The following JAK2 variants were observed in gnomAD, a reference collection of about 807,000 sequenced individuals.
JAK2 encodes tyrosine-protein kinase JAK2.
Under a neutral mutation model 139.3 loss-of-function variants are expected in JAK2, and 86 were observed. The observed-to-expected ratio is 0.62, with a 90% CI of 0.52 to 0.74. JAK2 has a LOEUF of 0.74. Ranked by LOEUF, JAK2 falls within the 30% of genes least tolerant of loss-of-function variation. The pLI is 0.00. For synonymous variants in JAK2, 490 were observed against 437.7 expected (o/e 1.12, Z -1.49); for missense variants, 1,421 against 1,360.3 (o/e 1.04, Z -0.70).
intron 19 of JAK2, 101 bp downstream of exon 19, chr9:5,081,962 C>T: frequency 1.0e-6 from 1 of 966,414 alleles, no homozygotes; most frequent in Non-Finnish European, 1.6e-6. Context: ...TTAAGGAGTG[C>T]TTGTAGAAAA....
At chr9:5,119,418 T>C (rs1823448023) in intron 22 of JAK2, among the ~76,000 whole-genome samples, 1 of 151,866 alleles carries the variant, frequency 6.6e-6, no homozygotes, top group East Asian at 1.9e-4. Context: ...TTCTTTGTCA[T>C]AATGAAAGCC....
chr9:5,119,977 A>C (rs1301591374), intron 22 of JAK2, among the ~76,000 whole-genome samples: 1 of 152,190 alleles, frequency 6.6e-6, no homozygotes, highest in Non-Finnish European at 1.5e-5. Context: ...TTGAATAATA[A>C]ACACTGTCTT....
intron 12 of JAK2, 91 bp downstream of exon 12, chr9:5,070,143 T>G: frequency 1.1e-6 from 1 of 872,838 alleles, no homozygotes; most frequent in South Asian, 2.6e-5. Context: ...TTGGAATTAT[T>G]TTGTTATATA....
intron 21 of JAK2, 24 bp downstream of exon 21, chr9:5,090,594 C>T (rs1442629320): frequency 6.5e-7 from 1 of 1,549,780 alleles, no homozygotes; most frequent in African/African-American, 1.4e-5. Flanking sequence ...TGATTATTTG[C>T]TGTAGATGAA....
At chr9:5,077,719 AAG>A (rs766199492) in intron 15 of JAK2, 139 bp downstream of exon 15, 72 of 484,256 alleles carry the variant, frequency 1.5e-4, no homozygotes, top group Non-Finnish European at 2.2e-4. Context: ...AGGTGATAAA[AAG>A]AGATTACTTT....
chr9:5,078,589 T>C, intron 16 of JAK2, 145 bp downstream of exon 16: 2 of 672,102 alleles, frequency 3.0e-6, no homozygotes, highest in Non-Finnish European at 4.9e-6. Context: ...CAATTTAAAT[T>C]GTTAGTTAAA....
intron 22 of JAK2, chr9:5,112,435 CA>C: frequency 7.7e-6 from 4 of 517,934 alleles, no homozygotes; most frequent in Non-Finnish European, 1.4e-5. Flanking sequence ...GCTGACCACT[CA>C]AGAGGAGAAG....
At chr9:5,026,701 G>GTT (rs1427017907) in intron 3 of JAK2, among the ~76,000 whole-genome samples, 1 of 152,102 alleles carries the variant, frequency 6.6e-6, no homozygotes, top group African/African-American at 2.4e-5. Flanking sequence ...TGATTGTTGT[G>GTT]TTTGTGCTTG....
At chr9:5,063,695 G>C (rs1818345692) in intron 8 of JAK2, among the ~76,000 whole-genome samples, 2 of 152,142 alleles carry the variant, frequency 1.3e-5, no homozygotes, top group Admixed American at 6.5e-5. Context: ...TTGCATAAGA[G>C]TGTTTTGAAG....
rs1427045241 is a variant in JAK2 at position 5,013,952 on chromosome 9, G to C, written c.-25-8011G>C. Among the ~76,000 whole-genome samples, 5 of 152,078 alleles carry C rather than the reference G, an allele frequency of 3.3e-5. No individual in the cohort carries two copies. The South Asian group carries it at 6.2e-4, about 19-fold the overall frequency. On this transcript the variant is annotated intron_variant, in intron 2 of 24. Transcript: ENST00000381652. ...AAGAAAGGATGAAACTTATTTTTAG[G>C]TCTCTTGGCTCCCAGGTTAGTAATT...
At chr9:5,014,024 A>G (rs1230536896) in intron 2 of JAK2, among the ~76,000 whole-genome samples, 1 of 152,140 alleles carries the variant, frequency 6.6e-6, no homozygotes, top group Non-Finnish European at 1.5e-5. Context: ...ATTGATCTGA[A>G]AAGTTGTGTC....
At chr9:4,994,369 A>G (rs891096363) in intron 2 of JAK2, among the ~76,000 whole-genome samples, 3 of 152,194 alleles carry the variant, frequency 2.0e-5, no homozygotes, top group Non-Finnish European at 4.4e-5. Context: ...TAAAGGACTT[A>G]TTGAAACACA....
Position 5,044,418 on chromosome 9 carries a change from T to C in JAK2, c.366T>C (p.Arg122=), listed in dbSNP as rs777303047. ...TATCTTGTAGATTTTACTTTCCTCG[T>C]TGGTATTGCAGTGGCAGCAACAGAG... ...VLYRIRFYFP[R]WYCSGSNRAY... Residue 122 remains arginine (R), a synonymous_variant, in exon 5 of 25, where the codon CGT becomes CGC. Coordinates refer to ENST00000381652, the MANE Select transcript of JAK2 (RefSeq NM_004972.4). 1.9e-6 allele frequency: 3 copies of C among 1,610,028 alleles called. No homozygotes were observed. Among genetic ancestry groups the C allele is most frequent in the African/African-American group, 1.3e-5 (1 of 74,948 alleles).
At chr9:5,068,012 T>C (rs1252028134) in intron 10 of JAK2, among the ~76,000 whole-genome samples, 1 of 151,934 alleles carries the variant, frequency 6.6e-6, no homozygotes, top group Non-Finnish European at 1.5e-5. Context: ...TTACAAAAAT[T>C]AGCTGGGCAT....
intron 2 of JAK2, among the ~76,000 whole-genome samples, chr9:4,992,724 C>T (rs1278417711): frequency 1.3e-5 from 2 of 152,112 alleles, no homozygotes; most frequent in African/African-American, 4.8e-5. Context: ...CATGAAGAGA[C>T]AGTTTATATG....
At chr9:5,027,457 A>C (rs1563936054) in intron 3 of JAK2, among the ~76,000 whole-genome samples, 2 of 152,310 alleles carry the variant, frequency 1.3e-5, no homozygotes, top group Middle Eastern at 3.4e-3. Context: ...TTGTTAGTGG[A>C]GAGTCTTGCC....
chr9:5,023,233 C>T (rs1272606365), intron 3 of JAK2, among the ~76,000 whole-genome samples: 1 of 152,194 alleles, frequency 6.6e-6, no homozygotes, highest in Non-Finnish European at 1.5e-5. Flanking sequence ...TTTTAGCTCC[C>T]ACATATGAAT....
chr9:5,020,714 C>T (rs1225376062), intron 2 of JAK2, among the ~76,000 whole-genome samples: 1 of 152,128 alleles, frequency 6.6e-6, no homozygotes, highest in Non-Finnish European at 1.5e-5. Context: ...AGGGCACATA[C>T]CAATATATGG....
chr9:5,030,340 T>G lies in JAK2; in HGVS notation c.350+434T>G, dbSNP rs541651147. Among the ~76,000 whole-genome samples, 16 of 152,288 alleles carry G rather than the reference T, an allele frequency of 1.1e-4. 1 individual carries two copies. The highest frequency in any genetic ancestry group is 3.6e-4 in the African/African-American group (15 of 41,578). ...CCCAGTGTGTATTTGCAGCCTCAAATTGTAAGTTAATTTATATAATTTATG... is the reference window on the plus strand; with the variant it reads ...CCCAGTGTGTATTTGCAGCCTCAAAGTGTAAGTTAATTTATATAATTTATG... On this transcript the variant is annotated intron_variant, in intron 4 of 24. Transcript: ENST00000381652.
Sources: allele counts gnomAD v4.1 joint callset (sites outside exome capture counted in the v4.1 genomes callset), GRCh38; gene constraint gnomAD v4.1.1; transcripts MANE v1.5; gene names NCBI Gene and HGNC (gene_info 2026-07-23, HGNC 2026-07-21).